The following PRKAB1 variants were observed in gnomAD, a reference collection of about 807,000 sequenced individuals.
The protein encoded by PRKAB1 is protein kinase AMP-activated non-catalytic subunit beta 1.
Under a neutral mutation model 32.0 loss-of-function variants are expected in PRKAB1, and 18 were observed. That is an observed-to-expected ratio of 0.56 (90% CI 0.39 to 0.83). The LOEUF is 0.83. Among genes scored for constraint, PRKAB1 ranks in the 40% least tolerant of loss-of-function variants. The pLI, the probability that PRKAB1 is intolerant of heterozygous loss-of-function variation, is 0.00. For synonymous variants in PRKAB1, 141 were observed against 141.4 expected, an observed-to-expected ratio of 1.00 and a Z score of 0.02; for missense variants, 263 against 352.6, an observed-to-expected ratio of 0.75 and a Z score of 2.03.
intron 1 of PRKAB1, chr12:119,669,937 G>C (rs778435497): frequency 6.6e-6 from 1 of 152,210 alleles, no homozygotes; most frequent in Non-Finnish European, 1.5e-5. Context: ...GTCAGTGGGC[G>C]GTGAGGGTCT....
At position 119,668,776 on chromosome 12, in the gene PRKAB1, C is replaced by T. The variant is rs557598832; in HGVS notation, c.159+373C>T. Among the ~76,000 whole-genome samples the T allele has an allele frequency of 7.9e-5, 12 of 152,306 alleles. No homozygotes were observed. In the South Asian group the frequency reaches 2.1e-3, roughly 26 times the overall value. On this transcript the variant is annotated intron_variant, in intron 1 of 6. Transcript: ENST00000229328. ...TAATTGCACTGCTTTGAGACAAATT[C>T]CCTCACCTTTACACAAACTGGAGCT...
chr12:119,675,114 C>T (rs895450813), intron 4 of PRKAB1, among the ~76,000 whole-genome samples: 2 of 152,206 alleles, frequency 1.3e-5, no homozygotes, highest in African/African-American at 2.4e-5. Flanking sequence ...TCATACAGTT[C>T]GGGGGAAGAG....
In PRKAB1 at chr12:119,674,162, C is replaced by A. The variant is rs1445970446; in HGVS notation, c.417+105C>A. 43 of 1,177,942 alleles carry A rather than the reference C, an allele frequency of 3.7e-5. No individual in the cohort carries two copies. Among genetic ancestry groups the A allele is most frequent in the South Asian group, 5.5e-5 (4 of 72,218 alleles). The allele number at this position is 1,177,942 out of a possible 1,614,324, so 73.0% of individuals were successfully genotyped here. ...TCCCTTTGCCCAGCTAGTAAAAGTCCCCGTGTGTGGCAGAGCTGAGTAGCA... is the reference window on the plus strand; with the variant it reads ...TCCCTTTGCCCAGCTAGTAAAAGTCACCGTGTGTGGCAGAGCTGAGTAGCA... On this transcript the variant is annotated intron_variant, in intron 3 of 6. Transcript: ENST00000229328. The surrounding 1 kb of genome is among the most constrained non-coding windows in gnomAD (Gnocchi z 4.3).
chr12:119,675,071 A>G (rs1955413675), intron 4 of PRKAB1, among the ~76,000 whole-genome samples: 1 of 152,246 alleles, frequency 6.6e-6, no homozygotes, highest in African/African-American at 2.4e-5. Context: ...TTTCCCTCCA[A>G]GCCCCACAGG....
chr12:119,668,095 C>T, upstream of PRKAB1: 2 of 1,018,230 alleles, frequency 2.0e-6, no homozygotes, highest in Non-Finnish European at 2.7e-6. Flanking sequence ...CAGCCGGAAC[C>T]GGCTCCCGGC....
intron 1 of PRKAB1, chr12:119,669,604 TCTCA>T (rs1279154608): frequency 6.8e-6 from 1 of 147,778 alleles, no homozygotes; most frequent in African/African-American, 2.5e-5. Context: ...TGAGATGGAG[TCTCA>T]CTCTGTTGCC....
rs1344535226 is a variant in PRKAB1 at position 119,674,680 on chromosome 12, G to C, written c.532+226G>C. ...GTCATCTCAGGTATTCAGTAGGTCT[G>C]CTTGGCCACAGAACGCAGACAGCAG... On this transcript the variant is annotated intron_variant, in intron 4 of 6. Coordinates refer to ENST00000229328, the MANE Select transcript of PRKAB1 (RefSeq NM_006253.5). The surrounding 1 kb of genome is among the most constrained non-coding windows in gnomAD (Gnocchi z 4.3). 6.6e-6 allele frequency among the ~76,000 whole-genome samples: 1 copy of C among 152,218 alleles called. No homozygotes were observed. Among genetic ancestry groups the C allele is most frequent in the Non-Finnish European group, 1.5e-5 (1 of 68,042 alleles).
intron 2 of PRKAB1, 126 bp downstream of exon 2, chr12:119,672,590 G>T (rs1955396348): frequency 9.3e-7 from 1 of 1,079,054 alleles, no homozygotes; most frequent in African/African-American, 1.6e-5. Context: ...AAATAATTTT[G>T]CTTAATAAGT....
At chr12:119,678,784 G>A (rs1039644963) in intron 5 of PRKAB1, 1 of 152,198 alleles carries the variant, frequency 6.6e-6, no homozygotes. Context: ...TTGATTCCAC[G>A]TCTTGGCTAT....
Position 119,674,299 on chromosome 12 carries a change from A to T in PRKAB1, c.418-41A>T. 6.7e-7 allele frequency: 1 copy of T among 1,482,980 alleles called. No individual in the cohort carries two copies. Among genetic ancestry groups the T allele is most frequent in the Non-Finnish European group, 9.4e-7 (1 of 1,064,208 alleles). 91.9% of individuals were successfully genotyped at this position (1,482,980 alleles called of 1,614,324 possible). A position where few individuals can be genotyped will look rare whatever the true frequency, so the allele number is the denominator to read the frequency against. On this transcript the variant is annotated intron_variant, in intron 3 of 6. Coordinates refer to ENST00000229328, the MANE Select transcript of PRKAB1 (RefSeq NM_006253.5). This position sits in a 1 kb window ranked among gnomAD's most constrained non-coding sequence, Gnocchi z 4.3. Reference sequence around the variant, plus strand: ...AGTCCTCTGAAGAATAACTCCGCAGACCTTCCACGTTATGATTTCTGCCTA... The same window carrying T: ...AGTCCTCTGAAGAATAACTCCGCAGTCCTTCCACGTTATGATTTCTGCCTA...
rs1056958867 is a variant in PRKAB1 at position 119,668,171 on chromosome 12, G to T, written c.-74G>T. On this transcript the variant is annotated 5_prime_UTR_variant, in exon 1 of 7. Transcript: ENST00000229328. ...GGCTCCTTGGGACCCGCGGTTCCGG[G>T]AGTCCCTTGCTCAGGGTCCCTTTCC... 22 of 1,412,748 alleles carry T rather than the reference G, an allele frequency of 1.6e-5. No homozygotes were observed. The highest frequency in any genetic ancestry group is 2.9e-5 in the East Asian group (1 of 34,852). 87.5% of individuals were successfully genotyped at this position (1,412,748 alleles called of 1,614,324 possible).
At position 119,679,909 on chromosome 12, in the gene PRKAB1, A is replaced by G; in HGVS notation, c.667-24A>G. 1 of 1,612,310 alleles carries G rather than the reference A, an allele frequency of 6.2e-7. No individual in the cohort carries two copies. Among genetic ancestry groups the G allele is most frequent in the Non-Finnish European group, 8.5e-7 (1 of 1,178,324 alleles). Reference sequence around the variant, plus strand: ...CTTGGTTTCCAAATCCCAAATGCTCACCGCTGCCTTTGTTCCCTCACAGTG... The same window carrying G: ...CTTGGTTTCCAAATCCCAAATGCTCGCCGCTGCCTTTGTTCCCTCACAGTG... On this transcript the variant is annotated intron_variant, in intron 5 of 6. Transcript: ENST00000229328. This position sits in a 1 kb window ranked among gnomAD's most constrained non-coding sequence, Gnocchi z 4.1.
At chr12:119,678,640 T>A (rs1955444052) in intron 5 of PRKAB1, 1 of 152,264 alleles carries the variant, frequency 6.6e-6, no homozygotes, top group African/African-American at 2.4e-5. Context: ...TGTGCCTGGC[T>A]CATTTCACTT....
chr12:119,674,402 T>C lies in PRKAB1; in HGVS notation c.480T>C (p.Phe160=). The C allele has an allele frequency of 1.9e-6, 3 of 1,614,214 alleles. No individual in the cohort carries two copies. Among genetic ancestry groups the C allele is most frequent in the Non-Finnish European group, 2.5e-6 (3 of 1,180,022 alleles). The change falls in exon 4 of 7, where the codon TTT becomes TTC. Residue 160 remains phenylalanine (F), a synonymous_variant. Transcript: ENST00000229328. This position sits in a 1 kb window ranked among gnomAD's most constrained non-coding sequence, Gnocchi z 4.3. ...TCATTCAAGTGAAGAAAACTGACTTTGAAGTATTTGATGCTTTAATGGTGG... is the reference window on the plus strand; with the variant it reads ...TCATTCAAGTGAAGAAAACTGACTTCGAAGTATTTGATGCTTTAATGGTGG... ...NNIIQVKKTD[F]EVFDALMVDS...
intron 1 of PRKAB1, 104 bp downstream of exon 1, chr12:119,668,507 A>G: frequency 6.9e-7 from 1 of 1,448,964 alleles, no homozygotes; most frequent in African/African-American, 1.4e-5. Context: ...CAGAACGGAG[A>G]GGGAGGTGGT....
rs1955453971 is a variant in PRKAB1, at chr12:119,680,234, A to T, written c.736-14A>T. On this transcript the variant is annotated splice_polypyrimidine_tract_variant and intron_variant, in intron 6 of 6. Transcript: ENST00000229328. Reference sequence around the variant, plus strand: ...CTTAGTCCAGCCTTTGATCATTTCCACCTTGTTCCTTAGGATGGAGTGATG... The same window carrying T: ...CTTAGTCCAGCCTTTGATCATTTCCTCCTTGTTCCTTAGGATGGAGTGATG... 1 of 1,612,318 alleles carries T rather than the reference A, an allele frequency of 6.2e-7. No individual in the cohort carries two copies. The highest frequency in any genetic ancestry group is 2.2e-5 in the East Asian group (1 of 44,870).
chr12:119,675,150 C>G (rs1955414472), intron 4 of PRKAB1, among the ~76,000 whole-genome samples: 1 of 152,224 alleles, frequency 6.6e-6, no homozygotes, highest in South Asian at 2.1e-4. Context: ...TGTTCCCCTT[C>G]TTGGAGGCGG....
intron 1 of PRKAB1, 79 bp downstream of exon 1, chr12:119,668,482 C>T: frequency 6.5e-7 from 1 of 1,541,168 alleles, no homozygotes; most frequent in Non-Finnish European, 8.8e-7. Flanking sequence ...CCCGTCACAT[C>T]CTTTCGAAAA....
intron 1 of PRKAB1, among the ~76,000 whole-genome samples, chr12:119,670,160 G>A (rs1296745823): frequency 6.6e-6 from 1 of 152,172 alleles, no homozygotes; most frequent in Non-Finnish European, 1.5e-5. Context: ...TCAGTCCAAG[G>A]ACACTTAGTG....
Sources: allele counts gnomAD v4.1 joint callset (sites outside exome capture counted in the v4.1 genomes callset), GRCh38; gene constraint gnomAD v4.1.1; non-coding constraint Gnocchi (gnomAD v3.1); transcripts MANE v1.5; gene names NCBI Gene and HGNC (gene_info 2026-07-23, HGNC 2026-07-21).